Variants in MIER2 observed in about 807,000 individuals in gnomAD.
MIER2 encodes the protein MIER family member 2.
A neutral mutation model predicts 67.6 loss-of-function variants in MIER2; 30 were observed. That is an observed-to-expected ratio of 0.44 (90% CI 0.33 to 0.60). The LOEUF (loss-of-function observed/expected upper bound fraction) is 0.60, where lower values mean the gene tolerates loss of function less well. MIER2 is among the 20% of genes least tolerant of loss of function. The probability of loss-of-function intolerance (pLI) is 0.02; values close to 1 mark genes in which losing one functional copy is unlikely to be tolerated. For missense variants in MIER2, 702 were observed against 745.1 expected (o/e 0.94, Z 0.67); for synonymous variants, 372 against 312.6 (o/e 1.19, Z -2.00).
At chr19:317,026 A>T (rs1263897963) in intron 7 of MIER2, among the ~76,000 whole-genome samples, 1 of 152,218 alleles carries the variant, frequency 6.6e-6, no homozygotes, top group Non-Finnish European at 1.5e-5. Flanking sequence ...TAAAGCGCTA[A>T]AACTAAAACT....
chr19:330,080 T>C (rs1971949366), intron 3 of MIER2, among the ~76,000 whole-genome samples: 1 of 152,014 alleles, frequency 6.6e-6, no homozygotes, highest in African/African-American at 2.4e-5. Flanking sequence ...CCTGAAAGAA[T>C]GCTGGCCAAC....
At chr19:322,096 G>A (rs1408171311) in intron 7 of MIER2, among the ~76,000 whole-genome samples, 4 of 151,874 alleles carry the variant, frequency 2.6e-5, no homozygotes, top group Admixed American at 2.6e-4. Context: ...GTAGAGACGG[G>A]GTTTCACCGT....
chr19:322,470 T>G (rs1342254301), intron 7 of MIER2, among the ~76,000 whole-genome samples: 2 of 152,048 alleles, frequency 1.3e-5, no homozygotes, highest in Non-Finnish European at 2.9e-5. Flanking sequence ...CCAGAAAGAC[T>G]TGTTTCCACA....
intron 3 of MIER2, among the ~76,000 whole-genome samples, chr19:329,487 G>A (rs1041239569): frequency 5.9e-5 from 9 of 152,272 alleles, no homozygotes; most frequent in South Asian, 4.1e-4. Flanking sequence ...ATTGGCAGCC[G>A]GCAAGAGCCC....
chr19:343,101 A>C (rs1218898159), intron 1 of MIER2, among the ~76,000 whole-genome samples: 1 of 152,156 alleles, frequency 6.6e-6, no homozygotes, highest in East Asian at 1.9e-4. Flanking sequence ...TAGAAAATCA[A>C]ATCAAATTCA....
intron 7 of MIER2, among the ~76,000 whole-genome samples, chr19:314,396 C>G (rs1165759678): frequency 6.6e-6 from 1 of 152,194 alleles, no homozygotes; most frequent in Non-Finnish European, 1.5e-5. Flanking sequence ...AGCTCAGGGC[C>G]AGGTCTGGCA....
At chr19:322,049 T>C (rs1206036179) in intron 7 of MIER2, among the ~76,000 whole-genome samples, 1 of 151,924 alleles carries the variant, frequency 6.6e-6, no homozygotes, top group Admixed American at 6.6e-5. Flanking sequence ...GGACTACAGG[T>C]GCCCGCCACC....
intron 7 of MIER2, among the ~76,000 whole-genome samples, chr19:323,714 CCA>C (rs1248456372): frequency 6.6e-6 from 1 of 151,882 alleles, no homozygotes; most frequent in Non-Finnish European, 1.5e-5. Context: ...ACACACGCAA[CCA>C]CACAGACAAC....
At chr19:320,858 C>T (rs1295096514) in intron 7 of MIER2, among the ~76,000 whole-genome samples, 2 of 152,232 alleles carry the variant, frequency 1.3e-5, no homozygotes, top group Non-Finnish European at 2.9e-5. Flanking sequence ...TCACGGCCAG[C>T]AGCCCCAGAG....
chr19:313,695 C>A (rs751346422), intron 7 of MIER2, 52 bp from the exon 8 acceptor site: 26 of 1,584,236 alleles, frequency 1.6e-5, no homozygotes, highest in Non-Finnish European at 2.1e-5. Flanking sequence ...TCTGCACCCA[C>A]ACACGCCAGG....
intron 3 of MIER2, 197 bp downstream of exon 3, chr19:334,197 TCCTTGA>T (rs1268331419): frequency 5.4e-5 from 35 of 652,838 alleles, no homozygotes; most frequent in Non-Finnish European, 8.5e-5. Context: ...GCTGGCTTAA[TCCTTGA>T]CCACCGTGCT....
intron 7 of MIER2, among the ~76,000 whole-genome samples, chr19:314,631 T>C (rs940541096): frequency 6.6e-6 from 1 of 151,960 alleles, no homozygotes; most frequent in Non-Finnish European, 1.5e-5. Flanking sequence ...CCGGTCCTCA[T>C]GGCCATGAGG....
intron 3 of MIER2, among the ~76,000 whole-genome samples, chr19:331,626 A>G (rs1972030383): frequency 6.6e-6 from 1 of 152,102 alleles, no homozygotes; most frequent in Non-Finnish European, 1.5e-5. Flanking sequence ...CTATGATTGC[A>G]CCACTGCACT....
In MIER2 at chr19:307,102, C is replaced by T; in HGVS notation, c.1616+17G>A. 3 of 1,568,286 alleles carry T rather than the reference C, an allele frequency of 1.9e-6. No homozygotes were observed. Among genetic ancestry groups the T allele is most frequent in the African/African-American group, 1.3e-5 (1 of 74,332 alleles). ...GTTGGAGTGTTGCGGAGGCTCCGGG[C>T]ATGGGGTGGCACTCACTGTGACAGG... On this transcript the variant is annotated intron_variant, in intron 13 of 13. Transcript: ENST00000264819.
At chr19:325,847 C>T (rs750624153) in intron 6 of MIER2, 143 bp from the exon 7 acceptor site, 5 of 866,784 alleles carry the variant, frequency 5.8e-6, no homozygotes, top group Non-Finnish European at 9.2e-6. Flanking sequence ...CCTGCTGATG[C>T]CCAGTTCTGG....
intron 1 of MIER2, among the ~76,000 whole-genome samples, chr19:341,431 A>G (rs1477188093): frequency 3.3e-5 from 5 of 152,160 alleles, no homozygotes. Context: ...AGGGGGGCAA[A>G]GAGGGAAGCG....
At position 307,442 on chromosome 19, in the gene MIER2, G is replaced by A. The variant is rs757649508; in HGVS notation, c.1293C>T (p.Phe431=). 6.3e-7 allele frequency: 1 copy of A among 1,590,290 alleles called. No homozygotes were observed. Among genetic ancestry groups the A allele is most frequent in the Non-Finnish European group, 8.6e-7 (1 of 1,168,978 alleles). Residue 431 remains phenylalanine, a synonymous_variant, in exon 13 of 14, where the codon TTC becomes TTT. Coordinates refer to ENST00000264819, the MANE Select transcript of MIER2 (RefSeq NM_017550.3). ...LPSSEPGPCS[F]QQLDESPAVP... is the part of the protein sequence containing the mutation. ...CAGCGGGGGACTCATCCAGCTGCTG[G>A]AAGGAACACGGCCCTGGCTCCGAGG...
intron 1 of MIER2, 135 bp downstream of exon 1, chr19:344,639 C>T (rs1241815595): frequency 2.0e-6 from 1 of 508,658 alleles, no homozygotes; most frequent in Non-Finnish European, 2.6e-6. Context: ...CCGGACGGGC[C>T]AGGCGCCCCG....
chr19:317,199 C>A (rs1285684730), intron 7 of MIER2, among the ~76,000 whole-genome samples: 2 of 152,078 alleles, frequency 1.3e-5, no homozygotes, highest in Non-Finnish European at 2.9e-5. Flanking sequence ...TCGAGACCAT[C>A]CTGGCCAACA....
Sources: allele counts gnomAD v4.1 joint callset (sites outside exome capture counted in the v4.1 genomes callset), GRCh38; gene constraint gnomAD v4.1.1; transcripts MANE v1.5; gene names NCBI Gene and HGNC (gene_info 2026-07-23, HGNC 2026-07-21).